Variants in AARSD1 observed in about 807,000 individuals in gnomAD.
The protein encoded by AARSD1 is alanyl-tRNA editing protein Aarsd1.
A neutral mutation model predicts 48.7 loss-of-function variants in AARSD1; 44 were observed. The observed-to-expected ratio is 0.90, with a 90% CI of 0.71 to 1.16. The LOEUF is 1.16. Among genes scored for constraint, AARSD1 ranks in the 50% most tolerant of loss-of-function variants. The probability of loss-of-function intolerance (pLI) is 0.00; values close to 1 mark genes in which losing one functional copy is unlikely to be tolerated. For synonymous variants in AARSD1, 189 were observed against 194.9 expected (o/e 0.97, Z 0.25); for missense variants, 511 against 523.1 (o/e 0.98, Z 0.23).
At chr17:42,954,757 T>C (rs1567715354) in intron 9 of AARSD1, 119 bp downstream of exon 9, 4 of 1,142,932 alleles carry the variant, frequency 3.5e-6, no homozygotes, top group Non-Finnish European at 5.1e-6. Flanking sequence ...TAGGATCTAC[T>C]CAACCTTGAG....
chr17:42,955,978 T>A lies in AARSD1; in HGVS notation c.664-6A>T. On this transcript the variant is annotated splice_region_variant and splice_polypyrimidine_tract_variant and intron_variant, in intron 6 of 11. Coordinates refer to ENST00000427569, the MANE Select transcript of AARSD1 (RefSeq NM_001261434.2). ...GTGCCCAGAATCTTAATGACCTACATGAGGCAAGGGGGTAACACACACACA... is the reference window on the plus strand; with the variant it reads ...GTGCCCAGAATCTTAATGACCTACAAGAGGCAAGGGGGTAACACACACACA... 1 of 1,614,016 alleles carries A rather than the reference T, an allele frequency of 6.2e-7. No individual in the cohort carries two copies. The highest frequency in any genetic ancestry group is 8.5e-7 in the Non-Finnish European group (1 of 1,179,976).
At chr17:42,955,506 T>C (rs1337580952) in intron 7 of AARSD1, 1 of 450,216 alleles carries the variant, frequency 2.2e-6, no homozygotes. Context: ...TGGAACGATC[T>C]TGGCTCACTG....
intron 4 of AARSD1, 40 bp downstream of exon 4, chr17:42,957,098 G>T (rs774098769): frequency 6.2e-7 from 1 of 1,609,918 alleles, no homozygotes; most frequent in Non-Finnish European, 8.5e-7. Context: ...CCAGTGCTGG[G>T]ATGGGCCTGC....
chr17:42,950,717 A>G lies in AARSD1; in HGVS notation c.1115T>C (p.Val372Ala). Residue 372 changes from valine to alanine, a missense_variant, in exon 12 of 12, where the codon GTC becomes GCC. Coordinates refer to ENST00000427569, the MANE Select transcript of AARSD1 (RefSeq NM_001261434.2). ...VETLGPRVAE[V>A]LEGKGAGKKG... The stretch of plus-strand genomic sequence containing the variant: ...CTTCCCTGCTCCTTTGCCTTCCAGG[A>G]CCTCAGCCACCCTGGGGAACAGAGG... 1 of 1,613,382 alleles carries G rather than the reference A, an allele frequency of 6.2e-7. No homozygotes were observed. Among genetic ancestry groups the G allele is most frequent in the South Asian group, 1.1e-5 (1 of 91,036 alleles).
chr17:42,951,677 C>T (rs1210314042), intron 11 of AARSD1, 123 bp downstream of exon 11: 1 of 1,052,638 alleles, frequency 9.5e-7, no homozygotes, highest in Non-Finnish European at 1.4e-6. Context: ...CTCAGCCCAC[C>T]TCACATGCCC....
intron 2 of AARSD1, 44 bp from the exon 3 acceptor site, chr17:42,961,395 A>C (rs545323238): frequency 6.2e-7 from 1 of 1,612,374 alleles, no homozygotes; most frequent in African/African-American, 1.3e-5. Context: ...GGCAGGGCTC[A>C]CCCTAACTTC....
intron 2 of AARSD1, chr17:42,962,441 A>T: frequency 6.4e-6 from 1 of 155,270 alleles, no homozygotes; most frequent in South Asian, 1.7e-4. Flanking sequence ...CAGAGGCTGG[A>T]AAACAGACAA....
At chr17:42,955,657 G>C (rs2049539075) in intron 7 of AARSD1, 185 bp downstream of exon 7, 1 of 894,980 alleles carries the variant, frequency 1.1e-6, no homozygotes, top group African/African-American at 1.7e-5. Flanking sequence ...TAGCCAGGAA[G>C]GTCTTGATCT....
intron 10 of AARSD1, 57 bp downstream of exon 10, chr17:42,953,662 CTCACT>C: frequency 6.2e-7 from 1 of 1,612,768 alleles, no homozygotes; most frequent in East Asian, 2.2e-5. Flanking sequence ...ACTAGCGCCC[CTCACT>C]TATGTCTCCC....
At chr17:42,962,269 C>T in intron 2 of AARSD1, 1 of 230,628 alleles carries the variant, frequency 4.3e-6, no homozygotes, top group South Asian at 3.6e-5. Context: ...CGCTGCGCTC[C>T]AGCCTGGCAA....
At chr17:42,951,280 C>T (rs2049475686) in intron 11 of AARSD1, among the ~76,000 whole-genome samples, 1 of 151,306 alleles carries the variant, frequency 6.6e-6, no homozygotes, top group Admixed American at 6.6e-5. Flanking sequence ...CTCCAGAGAG[C>T]AGGGTGAGCA....
At chr17:42,963,225 G>C (rs8070742) in intron 2 of AARSD1, among the ~76,000 whole-genome samples, 148,456 of 151,274 alleles carry the variant, frequency 0.98, 72,909 homozygotes, top group Middle Eastern at 1. Context: ...GGACTACAGG[G>C]GCCTGCCAGT....
At chr17:42,955,102 C>T in intron 8 of AARSD1, 56 bp downstream of exon 8, 1 of 1,613,540 alleles carries the variant, frequency 6.2e-7, no homozygotes, top group Non-Finnish European at 8.5e-7. Flanking sequence ...ACCAAGTCTG[C>T]AGAGCCTATC....
chr17:42,962,890 G>A (rs1010853350), intron 2 of AARSD1, among the ~76,000 whole-genome samples: 3 of 152,106 alleles, frequency 2.0e-5, no homozygotes, highest in African/African-American at 7.2e-5. Flanking sequence ...AAGCATGTTG[G>A]TTGTGCGCCT....
intron 3 of AARSD1, among the ~76,000 whole-genome samples, chr17:42,960,676 C>T (rs779347327): frequency 2.0e-4 from 30 of 149,390 alleles, no homozygotes; most frequent in African/African-American, 9.9e-5. Flanking sequence ...GAGCCGAGAT[C>T]GCACCATTGC....
At chr17:42,963,086 T>C (rs898442745) in intron 2 of AARSD1, among the ~76,000 whole-genome samples, 4 of 150,196 alleles carry the variant, frequency 2.7e-5, no homozygotes, top group African/African-American at 9.8e-5. Context: ...TAATACACCT[T>C]TTTTTTTTCT....
At chr17:42,956,966 CTTTT>C (rs55786826) in intron 4 of AARSD1, among the ~76,000 whole-genome samples, 168 bp downstream of exon 4, 12 of 118,610 alleles carry the variant, frequency 1.0e-4, no homozygotes, top group African/African-American at 3.6e-4. Flanking sequence ...TGCGCCTGGC[CTTTT>C]TTTTTTTTTT....
At chr17:42,963,226 G>T (rs1162310449) in intron 2 of AARSD1, among the ~76,000 whole-genome samples, 2 of 150,754 alleles carry the variant, frequency 1.3e-5, no homozygotes, top group African/African-American at 4.9e-5. Context: ...GACTACAGGG[G>T]CCTGCCAGTA....
intron 9 of AARSD1, 135 bp from the exon 10 acceptor site, chr17:42,953,913 G>C (rs2049512009): frequency 8.8e-7 from 1 of 1,139,458 alleles, no homozygotes; most frequent in Non-Finnish European, 1.3e-6. Context: ...AGCCAAGAGA[G>C]AGTACTGGCT....
Sources: allele counts gnomAD v4.1 joint callset (sites outside exome capture counted in the v4.1 genomes callset), GRCh38; gene constraint gnomAD v4.1.1; transcripts MANE v1.5; gene names NCBI Gene and HGNC (gene_info 2026-07-23, HGNC 2026-07-21).